NTN1: variants seen among roughly 807,000 people sequenced by gnomAD.
The protein encoded by NTN1 is netrin-1.
NTN1 carries 11 observed loss-of-function variants against 54.2 expected under a neutral mutation model. The observed-to-expected ratio is 0.20, with a 90% CI of 0.13 to 0.34. The LOEUF (loss-of-function observed/expected upper bound fraction) is 0.34, where lower values mean the gene tolerates loss of function less well. Among genes scored for constraint, NTN1 ranks in the 10% least tolerant of loss-of-function variants. The pLI, the probability that NTN1 is intolerant of heterozygous loss-of-function variation, is 1.00. For synonymous variants in NTN1, 371 were observed against 382.0 expected, an observed-to-expected ratio of 0.97 and a Z score of 0.33; for missense variants, 740 against 893.1, an observed-to-expected ratio of 0.83 and a Z score of 2.18.
intron 2 of NTN1, among the ~76,000 whole-genome samples, chr17:9,156,726 G>C (rs1315975966): frequency 1.3e-5 from 2 of 152,216 alleles, no homozygotes; most frequent in East Asian, 3.8e-4. Flanking sequence ...CAGTCTACTT[G>C]AGCAGACAGA....
At chr17:9,193,938 A>AAAACAAAAAAAAAAAAAAAAAC (rs1555575007) in intron 5 of NTN1, among the ~76,000 whole-genome samples, 2 of 108,306 alleles carry the variant, frequency 1.8e-5, no homozygotes, top group Admixed American at 2.1e-4. Flanking sequence ...AAAAAAAAAA[A>AAAACAAAAAAAAAAAAAAAAAC]AAAAAACATT....
intron 2 of NTN1, among the ~76,000 whole-genome samples, chr17:9,028,808 T>C (rs1216450072): frequency 6.6e-6 from 1 of 152,242 alleles, no homozygotes; most frequent in Non-Finnish European, 1.5e-5. Context: ...ACTCATGTTA[T>C]CTTGATGGCT....
chr17:9,082,935 T>C (rs374995032), intron 2 of NTN1, among the ~76,000 whole-genome samples: 9 of 152,200 alleles, frequency 5.9e-5, no homozygotes, highest in African/African-American at 1.7e-4. Context: ...GAGTCAACCA[T>C]GGATGTGGTT....
intron 5 of NTN1, among the ~76,000 whole-genome samples, chr17:9,198,683 T>C (rs928642145): frequency 1.2e-4 from 18 of 152,198 alleles, no homozygotes; most frequent in African/African-American, 3.1e-4. Flanking sequence ...CTTACTGATA[T>C]CTCTCACATC....
intron 2 of NTN1, among the ~76,000 whole-genome samples, chr17:9,117,805 G>A (rs1485264746): frequency 2.0e-5 from 3 of 147,556 alleles, no homozygotes; most frequent in Admixed American, 6.7e-5. Context: ...CCATGTGCAC[G>A]GCGTGTCATC....
At chr17:9,054,338 A>T (rs955740512) in intron 2 of NTN1, among the ~76,000 whole-genome samples, 1 of 152,192 alleles carries the variant, frequency 6.6e-6, no homozygotes, top group Non-Finnish European at 1.5e-5. Context: ...GCATGGAAAC[A>T]CGAGAGCCCG....
At chr17:9,132,124 G>C (rs2092267719) in intron 2 of NTN1, among the ~76,000 whole-genome samples, 1 of 152,000 alleles carries the variant, frequency 6.6e-6, no homozygotes, top group African/African-American at 2.4e-5. Context: ...GCCTCTGAAA[G>C]GCTAGATTCC....
chr17:9,128,201 T>C (rs2092253533), intron 2 of NTN1, among the ~76,000 whole-genome samples: 1 of 151,808 alleles, frequency 6.6e-6, no homozygotes, highest in Admixed American at 6.6e-5. Flanking sequence ...TCCCAGCTAC[T>C]TGGGAGGCTG....
At chr17:9,141,984 C>CA (rs1047078964) in intron 2 of NTN1, among the ~76,000 whole-genome samples, 21 of 152,154 alleles carry the variant, frequency 1.4e-4, no homozygotes, top group African/African-American at 5.1e-4. Flanking sequence ...ACTAAAAATA[C>CA]AAAAAATTAG....
intron 5 of NTN1, among the ~76,000 whole-genome samples, chr17:9,217,854 CAAAAAAAA>C (rs11354107): frequency 0.28 from 26,980 of 96,278 alleles, 3,058 homozygotes; most frequent in Non-Finnish European, 0.35. Context: ...GGAAAGACAC[CAAAAAAAA>C]AAAAAAAAAA....
chr17:9,094,965 C>A (rs1034971628), intron 2 of NTN1, among the ~76,000 whole-genome samples: 1 of 139,290 alleles, frequency 7.2e-6, no homozygotes, highest in African/African-American at 2.7e-5. Context: ...CTTCAGCCTG[C>A]GCAACAGAGC....
At chr17:9,099,653 G>A (rs1466591474) in intron 2 of NTN1, among the ~76,000 whole-genome samples, 4 of 152,028 alleles carry the variant, frequency 2.6e-5, no homozygotes, top group African/African-American at 7.2e-5. Flanking sequence ...GAGGTAAAAT[G>A]TCTGTTCAAA....
chr17:9,094,966 G>C (rs757339041), intron 2 of NTN1, among the ~76,000 whole-genome samples: 1 of 130,124 alleles, frequency 7.7e-6, no homozygotes, highest in South Asian at 2.4e-4. Context: ...TTCAGCCTGC[G>C]CAACAGAGCG....
intron 6 of NTN1, among the ~76,000 whole-genome samples, chr17:9,227,712 A>G (rs200941520): frequency 7.7e-6 from 1 of 129,652 alleles, no homozygotes; most frequent in East Asian, 2.4e-4. Context: ...TATCACACGC[A>G]CACACACCAC....
rs77240086 is a variant in NTN1, at chr17:9,213,319, G to A, written c.1412-7849G>A. Among the ~76,000 whole-genome samples the A allele has an allele frequency of 6.2e-3, 948 of 152,336 alleles. 20 individuals are homozygous for A. The highest frequency in any genetic ancestry group is 0.022 in the African/African-American group (900 of 41,572). ...TTTTGGGCAGTAGAGTGAGATAGAAGGGCAGCCCTGGTGCAGGACCTCCTG... is the reference window on the plus strand; with the variant it reads ...TTTTGGGCAGTAGAGTGAGATAGAAAGGCAGCCCTGGTGCAGGACCTCCTG... On this transcript the variant is annotated intron_variant, in intron 5 of 6. Transcript: ENST00000173229.
At chr17:9,152,087 C>T (rs1304295033) in intron 2 of NTN1, among the ~76,000 whole-genome samples, 1 of 152,176 alleles carries the variant, frequency 6.6e-6, no homozygotes, top group African/African-American at 2.4e-5. Context: ...ACTCGGGTCA[C>T]CTTCCACGCT....
intron 4 of NTN1, 55 bp from the exon 5 acceptor site, chr17:9,182,861 G>A: frequency 6.3e-7 from 1 of 1,578,014 alleles, no homozygotes; most frequent in African/African-American, 1.3e-5. Flanking sequence ...AAAAAATCAT[G>A]TCGTCTTACC....
intron 2 of NTN1, among the ~76,000 whole-genome samples, chr17:9,073,250 TG>T (rs113785131): frequency 0.022 from 3,348 of 152,244 alleles, 57 homozygotes; most frequent in Middle Eastern, 0.048. Flanking sequence ...CGCCGAGACT[TG>T]GGGGTGGAAG....
intron 2 of NTN1, among the ~76,000 whole-genome samples, chr17:9,139,151 G>T (rs1186618150): frequency 1.3e-5 from 2 of 152,108 alleles, no homozygotes; most frequent in Admixed American, 6.5e-5. Context: ...CCAGTCAGGG[G>T]ATTGGGAAGG....
Sources: gnomAD v4.1 joint callset for allele counts (sites outside exome capture counted in the v4.1 genomes callset) on GRCh38, gnomAD v4.1.1 for gene constraint, MANE v1.5 for transcripts, NCBI Gene and HGNC (gene_info 2026-07-23, HGNC 2026-07-21) for gene names.